Variants in RFX8 observed in about 807,000 individuals in gnomAD.
The protein encoded by RFX8 is DNA-binding protein RFX8.
Under a neutral mutation model 54.6 loss-of-function variants are expected in RFX8, and 46 were observed. That is an observed-to-expected ratio of 0.84 (90% CI 0.67 to 1.08). The LOEUF is 1.08. Among genes scored for constraint, RFX8 ranks in the 50% least tolerant of loss-of-function variants. The pLI, the probability that RFX8 is intolerant of heterozygous loss-of-function variation, is 0.00. For synonymous variants in RFX8, 192 were observed against 209.5 expected (o/e 0.92, Z 0.72); for missense variants, 536 against 562.3 (o/e 0.95, Z 0.47).
chr2:101,442,030 A>G (rs1235831926), intron 2 of RFX8, among the ~76,000 whole-genome samples: 3 of 152,108 alleles, frequency 2.0e-5, no homozygotes, highest in African/African-American at 7.2e-5. Context: ...TGAGGACTCT[A>G]TCTTGATTTA....
chr2:101,449,894 G>A lies in RFX8; in HGVS notation c.72+16883C>T, dbSNP rs145725604. Among the ~76,000 whole-genome samples the A allele has an allele frequency of 5.4e-3, 821 of 152,284 alleles. 8 individuals are homozygous for A. Among genetic ancestry groups the A allele is most frequent in the African/African-American group, 0.018 (754 of 41,546 alleles). ...AGGAGACCAAGGATTCAGGGCTGGT[G>A]GGGGTTGGATGACACAGTCCTGAGG... On this transcript the variant is annotated intron_variant, in intron 2 of 11. Coordinates refer to ENST00000428343, the MANE Select transcript of RFX8 (RefSeq NM_001145664.2).
chr2:101,454,061 C>T (rs775476120), intron 2 of RFX8, among the ~76,000 whole-genome samples: 5 of 151,622 alleles, frequency 3.3e-5, no homozygotes, highest in Middle Eastern at 3.4e-3. Flanking sequence ...CCCCCACCCC[C>T]GACAGGCCCC....
intron 2 of RFX8, among the ~76,000 whole-genome samples, chr2:101,443,265 C>A (rs1688197839): frequency 6.6e-6 from 1 of 152,088 alleles, no homozygotes; most frequent in Non-Finnish European, 1.5e-5. Context: ...CCTTTGGTTG[C>A]CTCTTGCATT....
At chr2:101,434,152 G>A (rs2104620958) in intron 2 of RFX8, among the ~76,000 whole-genome samples, 1 of 152,222 alleles carries the variant, frequency 6.6e-6, no homozygotes, top group South Asian at 2.1e-4. Flanking sequence ...TCACAGAGCT[G>A]GAGACCTCGC....
chr2:101,470,826 TCTC>T (rs1689941109), intron 1 of RFX8, among the ~76,000 whole-genome samples: 1 of 149,616 alleles, frequency 6.7e-6, no homozygotes, highest in East Asian at 2.0e-4. Context: ...TTCATGTCAT[TCTC>T]CTACCTCAGC....
rs546894222 is a variant in RFX8 at position 101,438,883 on chromosome 2, C to T, written c.73-16411G>A. ...CTGGAGTGCAATGGCGTAATCTTGG[C>T]TCACTGCAACTTCTGCCTCCTGGGT... On this transcript the variant is annotated intron_variant, in intron 2 of 11. Coordinates refer to ENST00000428343, the MANE Select transcript of RFX8 (RefSeq NM_001145664.2). 1.8e-4 allele frequency among the ~76,000 whole-genome samples: 27 copies of T among 152,296 alleles called. No individual in the cohort carries two copies. The South Asian group carries it at 1.9e-3, about 11-fold the overall frequency.
At chr2:101,448,840 T>C (rs1049345292) in intron 2 of RFX8, among the ~76,000 whole-genome samples, 2 of 152,244 alleles carry the variant, frequency 1.3e-5, no homozygotes, top group African/African-American at 4.8e-5. Flanking sequence ...CCAAGTGAAA[T>C]TGATATTGTC....
At chr2:101,471,714 A>G (rs1309859184) in intron 1 of RFX8, among the ~76,000 whole-genome samples, 1 of 152,156 alleles carries the variant, frequency 6.6e-6, no homozygotes, top group African/African-American at 2.4e-5. Context: ...CCTGTCCATG[A>G]AACAGAAACC....
chr2:101,439,129 T>G (rs1339032395), intron 2 of RFX8, among the ~76,000 whole-genome samples: 2 of 152,206 alleles, frequency 1.3e-5, no homozygotes, highest in African/African-American at 4.8e-5. Context: ...TGGTTTTAAT[T>G]TGTATTTCCA....
intron 1 of RFX8, among the ~76,000 whole-genome samples, chr2:101,467,753 T>A (rs878879961): frequency 6.6e-6 from 1 of 152,090 alleles, no homozygotes; most frequent in Non-Finnish European, 1.5e-5. Flanking sequence ...AGGCGCCTAT[T>A]CCAGCAGCAG....
Position 101,458,206 on chromosome 2 carries a change from T to C in RFX8, c.72+8571A>G, listed in dbSNP as rs149998144. Among the ~76,000 whole-genome samples the C allele has an allele frequency of 3.8e-3, 584 of 152,314 alleles. 10 individuals are homozygous for C. The highest frequency in any genetic ancestry group is 0.013 in the African/African-American group (523 of 41,558). Reference sequence around the variant, plus strand: ...CCTTTAATGGGGGCATTTAGTCCATTTACATTTAAGGTTAATATTGTTATG... The same window carrying C: ...CCTTTAATGGGGGCATTTAGTCCATCTACATTTAAGGTTAATATTGTTATG... On this transcript the variant is annotated intron_variant, in intron 2 of 11. Transcript: ENST00000428343.
chr2:101,406,915 C>T (rs1293917501), intron 9 of RFX8, among the ~76,000 whole-genome samples: 1 of 152,174 alleles, frequency 6.6e-6, no homozygotes, highest in Non-Finnish European at 1.5e-5. Context: ...CCAGTGGAAC[C>T]AAGGTCATCT....
chr2:101,412,797 G>C, intron 8 of RFX8, 118 bp downstream of exon 8: 1 of 995,296 alleles, frequency 1.0e-6, no homozygotes. Context: ...AGACAACTTA[G>C]AACATCGGAG....
intron 2 of RFX8, among the ~76,000 whole-genome samples, chr2:101,462,191 G>C (rs6543069): frequency 0.35 from 52,454 of 152,012 alleles, 9,727 homozygotes; most frequent in African/African-American, 0.44. Flanking sequence ...TTTGGGAGGC[G>C]GAGACGCAGG....
intron 1 of RFX8, among the ~76,000 whole-genome samples, chr2:101,469,020 A>ATACATATATGTATATATATAGG (rs1689753117): frequency 9.9e-6 from 1 of 100,750 alleles, no homozygotes; most frequent in Non-Finnish European, 1.9e-5. Context: ...ATATATAGGT[A>ATACATATATGTATATATATAGG]TATATATATA....
intron 1 of RFX8, 143 bp downstream of exon 1, chr2:101,474,493 C>A (rs1021326970): frequency 5.9e-6 from 2 of 341,308 alleles, no homozygotes; most frequent in Non-Finnish European, 1.1e-5. Flanking sequence ...AGCTCCCCAA[C>A]CCCCGCGCCC....
intron 2 of RFX8, among the ~76,000 whole-genome samples, chr2:101,456,788 T>C (rs985012286): frequency 6.6e-6 from 1 of 152,200 alleles, no homozygotes; most frequent in African/African-American, 2.4e-5. Flanking sequence ...GAAGGAATGG[T>C]ACCAGCTCCT....
chr2:101,452,826 G>C (rs988026493), intron 2 of RFX8, among the ~76,000 whole-genome samples: 7 of 152,094 alleles, frequency 4.6e-5, no homozygotes, highest in Non-Finnish European at 1.0e-4. Context: ...AAATACAAAG[G>C]CTGGGCATGG....
At chr2:101,457,756 A>T (rs909562210) in intron 2 of RFX8, among the ~76,000 whole-genome samples, 26 of 152,210 alleles carry the variant, frequency 1.7e-4, no homozygotes, top group Non-Finnish European at 2.9e-5. Context: ...TAGGTCCCAG[A>T]TATCCTTGTT....
Sources: allele counts gnomAD v4.1 joint callset (sites outside exome capture counted in the v4.1 genomes callset), GRCh38; gene constraint gnomAD v4.1.1; transcripts MANE v1.5; gene names NCBI Gene and HGNC (gene_info 2026-07-23, HGNC 2026-07-21).